The following SLC27A5 variants were observed in gnomAD, a reference collection of about 807,000 sequenced individuals.
SLC27A5 encodes the protein solute carrier family 27 member 5.
In SLC27A5, 47 loss-of-function variants were observed where a neutral mutation model predicts 63.1. That is an observed-to-expected ratio of 0.74 (90% confidence interval 0.59 to 0.95). The LOEUF (loss-of-function observed/expected upper bound fraction) is 0.95, where lower values mean the gene tolerates loss of function less well. Ranked by LOEUF, SLC27A5 falls within the 40% of genes least tolerant of loss-of-function variation. The probability of loss-of-function intolerance (pLI) is 0.00; values close to 1 mark genes in which losing one functional copy is unlikely to be tolerated. For missense variants in SLC27A5, 940 were observed against 921.0 expected (o/e 1.02, Z -0.27); for synonymous variants, 391 against 403.8 (o/e 0.97, Z 0.38).
Position 58,498,658 on chromosome 19 carries a change from T to C in SLC27A5, c.1930A>G (p.Met644Val). 1 of 1,614,066 alleles carries C rather than the reference T, an allele frequency of 6.2e-7. No homozygotes were observed. Among genetic ancestry groups the C allele is most frequent in the Non-Finnish European group, 8.5e-7 (1 of 1,179,988 alleles). Reference sequence around the variant, plus strand: ...CCCTCACGCACCAACCGGGTCTTCATCAGTTTGAACGTGCTGGTGACCTCC... The same window carrying C: ...CCCTCACGCACCAACCGGGTCTTCACCAGTTTGAACGTGCTGGTGACCTCC... ...AMEVTSTFKLMKTRLVREGFN... is the reference protein window; with the variant it reads ...AMEVTSTFKLVKTRLVREGFN... Residue 644 changes from methionine (M) to valine (V), a missense_variant, in exon 10 of 10, where the codon ATG becomes GTG. Met to Val is a conservative substitution (Grantham distance 21). Transcript: ENST00000263093.
At chr19:58,502,929 G>GCGCGC (rs2053296546) in intron 3 of SLC27A5, among the ~76,000 whole-genome samples, 1 of 152,182 alleles carries the variant, frequency 6.6e-6, no homozygotes, top group Admixed American at 6.5e-5. Context: ...ATAGGTGGCT[G>GCGCGC]GGTGAGGATC....
chr19:58,498,477 C>T lies in SLC27A5; in HGVS notation c.*38G>A. 6.4e-7 allele frequency: 1 copy of T among 1,571,306 alleles called. No homozygotes were observed. The highest frequency in any genetic ancestry group is 8.7e-7 in the Non-Finnish European group (1 of 1,154,396). ...ACCGAGTGTGTTGGGGTGGGGGTGG[C>T]TGGCTTTGATCCCTACCCCAGTGGG... On this transcript the variant is annotated 3_prime_UTR_variant, in exon 10 of 10. Coordinates refer to ENST00000263093, the MANE Select transcript of SLC27A5 (RefSeq NM_012254.3).
rs1477152896 is a variant in SLC27A5 at position 58,498,537 on chromosome 19, C to T, written c.2051G>A (p.Cys684Tyr). 6.2e-7 allele frequency: 1 copy of T among 1,613,166 alleles called. No individual in the cohort carries two copies. Among genetic ancestry groups the T allele is most frequent in the South Asian group, 1.1e-5 (1 of 90,992 alleles). Residue 684 changes from cysteine to tyrosine, a missense_variant, in exon 10 of 10, where the codon TGT becomes TAT. Cys to Tyr is a radical substitution (Grantham distance 194, BLOSUM62 -2). Transcript: ENST00000263093. ...TGATCAGAGCCTCCAGGTTCCCTCACACACAGCCTGGTACATTTCTGCCGT... is the reference window on the plus strand; with the variant it reads ...TGATCAGAGCCTCCAGGTTCCCTCATACACAGCCTGGTACATTTCTGCCGT... ...PLTAEMYQAVCEGTWRL is the reference protein window; with the variant it reads ...PLTAEMYQAVYEGTWRL
rs773260849 is a variant in SLC27A5, at chr19:58,498,794, G to T, written c.1887C>A (p.Ile629=). The change falls in exon 9 of 10, where the codon ATC becomes ATA. Residue 629 remains isoleucine, a synonymous_variant. Transcript: ENST00000263093. ...WLPAYATPHF[I]RIQDAMEVTS... ...GCCACCCTGGGCTCACCTGGATGCGGATGAAATGGGGGGTAGCGTAGGCAG... is the reference window on the plus strand; with the variant it reads ...GCCACCCTGGGCTCACCTGGATGCGTATGAAATGGGGGGTAGCGTAGGCAG... 16 of 1,613,870 alleles carry T rather than the reference G, an allele frequency of 9.9e-6. No homozygotes were observed. The African/African-American group carries it at 2.0e-4, about 20-fold the overall frequency.
At chr19:58,509,392 A>G (rs1398397983) in intron 3 of SLC27A5, 6 of 152,118 alleles carry the variant, frequency 3.9e-5, no homozygotes, top group African/African-American at 1.4e-4. Flanking sequence ...TCTCGAAAAA[A>G]AATAAATAAA....
At chr19:58,500,926 C>T in intron 4 of SLC27A5, 1 of 1,390,202 alleles carries the variant, frequency 7.2e-7, no homozygotes, top group Non-Finnish European at 9.3e-7. Context: ...AGAGCTTTGC[C>T]TGGGGGACGT....
In SLC27A5 at chr19:58,500,703, G is replaced by A. The variant is rs201961202; in HGVS notation, c.1186C>T (p.Pro396Ser). Reference protein sequence around the residue: ...LRYLCNIPQQPEDRTHTVRLA... With the variant: ...LRYLCNIPQQSEDRTHTVRLA... Reference sequence around the variant, plus strand: ...CGGACTGTATGTGTCCGGTCCTCTGGTTGCTACAGGAATGTCCCCAGAAGG... The same window carrying A: ...CGGACTGTATGTGTCCGGTCCTCTGATTGCTACAGGAATGTCCCCAGAAGG... The change falls in exon 5 of 10, where the codon CCA becomes TCA. Residue 396 changes from proline (P) to serine (S), a missense_variant. Transcript: ENST00000263093. The A allele has an allele frequency of 1.2e-5, 19 of 1,612,882 alleles. No individual in the cohort carries two copies. The East Asian group carries it at 4.0e-4, about 34-fold the overall frequency.
In SLC27A5 at chr19:58,499,228, G is replaced by C. The variant is rs1266164715; in HGVS notation, c.1668-8C>G. The stretch of plus-strand genomic sequence containing the variant: ...ACGTTCTCGCCCTTCCATCTGCAAG[G>C]AGGGAGCCGGCGCTTGTGACCACGC... On this transcript the variant is annotated splice_polypyrimidine_tract_variant and splice_region_variant and intron_variant, in intron 7 of 9. Coordinates refer to ENST00000263093, the MANE Select transcript of SLC27A5 (RefSeq NM_012254.3). 3.1e-5 allele frequency: 50 copies of C among 1,612,488 alleles called. No individual in the cohort carries two copies. The highest frequency in any genetic ancestry group is 4.2e-5 in the Non-Finnish European group (50 of 1,179,344).
At chr19:58,508,215 ACTCTTT>A (rs2053368482) in intron 3 of SLC27A5, 1 of 151,810 alleles carries the variant, frequency 6.6e-6, no homozygotes, top group Admixed American at 6.6e-5. Context: ...CTCTCTTTGT[ACTCTTT>A]CTCTTTATTT....
chr19:58,506,989 C>T (rs557176667), intron 3 of SLC27A5, among the ~76,000 whole-genome samples: 3 of 151,232 alleles, frequency 2.0e-5, no homozygotes, highest in East Asian at 2.0e-4. Context: ...GTGATCCACC[C>T]GCCTCAGCCT....
chr19:58,500,193 C>T (rs1340567082), intron 6 of SLC27A5, 146 bp downstream of exon 6: 1 of 666,084 alleles, frequency 1.5e-6, no homozygotes, highest in Non-Finnish European at 2.6e-6. Context: ...GGTGGTAAGG[C>T]AGGCCACTGG....
Position 58,500,604 on chromosome 19 carries a change from A to C in SLC27A5, c.1285T>G (p.Trp429Gly). 6.2e-7 allele frequency: 1 copy of C among 1,614,124 alleles called. No individual in the cohort carries two copies. Among genetic ancestry groups the C allele is most frequent in the South Asian group, 1.1e-5 (1 of 91,084 alleles). Residue 429 changes from tryptophan to glycine, a missense_variant, in exon 5 of 10, where the codon TGG (tryptophan) becomes GGG (glycine). Physicochemically the swap from Trp to Gly is radical, Grantham distance 184. Coordinates refer to ENST00000263093, the MANE Select transcript of SLC27A5 (RefSeq NM_012254.3). ...FQQRFGPIRI[W>G]EVYGSTEGNM... ...CCTTCTGTGGAGCCGTAGACTTCCCAGATCCGAATAGGACCGAAGCGCTGC... is the reference window on the plus strand; with the variant it reads ...CCTTCTGTGGAGCCGTAGACTTCCCCGATCCGAATAGGACCGAAGCGCTGC...
intron 3 of SLC27A5, among the ~76,000 whole-genome samples, chr19:58,502,602 G>A (rs1288189036): frequency 3.4e-5 from 4 of 116,130 alleles, no homozygotes; most frequent in Middle Eastern, 4.0e-3. Flanking sequence ...TGGATGGGTG[G>A]ACAGAGTAGT....
chr19:58,511,966 C>A lies in SLC27A5; in HGVS notation c.-11G>T. 6.5e-7 allele frequency: 1 copy of A among 1,527,976 alleles called. No individual in the cohort carries two copies. Among genetic ancestry groups the A allele is most frequent in the Non-Finnish European group, 8.8e-7 (1 of 1,139,146 alleles). 94.7% of individuals were successfully genotyped at this position (1,527,976 alleles called of 1,614,324 possible). A position where few individuals can be genotyped will look rare whatever the true frequency, so the allele number is the denominator to read the frequency against. On this transcript the variant is annotated 5_prime_UTR_variant, in exon 1 of 10. Coordinates refer to ENST00000263093, the MANE Select transcript of SLC27A5 (RefSeq NM_012254.3). Reference sequence around the variant, plus strand: ...TTGCCTGACACCCATGGTACCAGCTCCTCCCTAGGAGCAGCAGCTGTGGAG... The same window carrying A: ...TTGCCTGACACCCATGGTACCAGCTACTCCCTAGGAGCAGCAGCTGTGGAG...
Position 58,511,605 on chromosome 19 carries a change from T to A in SLC27A5, c.351A>T (p.Val117=). The A allele has an allele frequency of 6.3e-7, 1 of 1,593,256 alleles. No individual in the cohort carries two copies. Among genetic ancestry groups the A allele is most frequent in the Non-Finnish European group, 8.6e-7 (1 of 1,168,330 alleles). ...CLSRQPPDTF[V]DAFERRARAQ... ...CTCGTGCTCGCCGCTCGAAGGCATC[T>A]ACAAAGGTGTCAGGCGGCTGCCGGC... The change falls in exon 1 of 10, where the codon GTA becomes GTT. Residue 117 remains valine (V), a synonymous_variant. Transcript: ENST00000263093.
rs1278839331 is a variant in SLC27A5 at position 58,510,005 on chromosome 19, C to T, written c.899G>A (p.Gly300Asp). Residue 300 changes from glycine (G) to aspartate (D), a missense_variant and splice_region_variant, in exon 3 of 10, where the codon GGC becomes GAC. Transcript: ENST00000263093. ...CGTGAGGATGGCTGGCTTCGGGAGGCCTTGGGATGAAGGCATGGCAAGGGC... is the reference window on the plus strand; with the variant it reads ...CGTGAGGATGGCTGGCTTCGGGAGGTCTTGGGATGAAGGCATGGCAAGGGC... ...ALFIYTSGTT[G>D]LPKPAILTHE... 5.6e-6 allele frequency: 9 copies of T among 1,612,642 alleles called. No homozygotes were observed. Among genetic ancestry groups the T allele is most frequent in the Non-Finnish European group, 6.8e-6 (8 of 1,179,302 alleles).
rs768757436 is a variant in SLC27A5 at position 58,500,419 on chromosome 19, G to C, written c.1388C>G (p.Pro463Arg). 2.6e-5 allele frequency: 42 copies of C among 1,613,710 alleles called. No homozygotes were observed. The highest frequency in any genetic ancestry group is 1.6e-4 in the Middle Eastern group (1 of 6,084). The change falls in exon 6 of 10, where the codon CCC becomes CGC. Residue 463 changes from proline (P) to arginine (R), a missense_variant. Transcript: ENST00000263093. ...CATGTCGAACTGCACCAGCTCAAAG[G>C]GGGACAGCATCTGGGGTGGAGGGTG... ...KMSCLLRMLS[P>R]FELVQFDMEA...
rs754023114 is a variant in SLC27A5 at position 58,498,932 on chromosome 19, T to A, written c.1766-17A>T. ...CCTCACAACCTAGAGAGCAGTCTGG[T>A]CACTCTCGGCTGACCCATCTCGAGG... On this transcript the variant is annotated splice_polypyrimidine_tract_variant and intron_variant, in intron 8 of 9. Coordinates refer to ENST00000263093, the MANE Select transcript of SLC27A5 (RefSeq NM_012254.3). 4.2e-5 allele frequency: 68 copies of A among 1,607,524 alleles called. No homozygotes were observed. The Admixed American group carries it at 1.1e-3, about 26-fold the overall frequency.
In SLC27A5 at chr19:58,510,989, G is replaced by A. The variant is rs770997728; in HGVS notation, c.689-59C>T. ...AGGCTCACCTTTGAGGTTGCGAGGC[G>A]GGATCTGAGACCCACAGATGCAGGC... On this transcript the variant is annotated intron_variant, in intron 1 of 9. Transcript: ENST00000263093. 1.1e-4 allele frequency: 159 copies of A among 1,402,348 alleles called. 1 individual carries two copies. The highest frequency in any genetic ancestry group is 5.2e-4 in the African/African-American group (37 of 70,622). The allele number at this position is 1,402,348 out of a possible 1,614,324, so 86.9% of individuals were successfully genotyped here.
Sources: gnomAD v4.1 joint callset for allele counts (sites outside exome capture counted in the v4.1 genomes callset) on GRCh38, gnomAD v4.1.1 for gene constraint, MANE v1.5 for transcripts, NCBI Gene and HGNC (gene_info 2026-07-23, HGNC 2026-07-21) for gene names.